IMPA1: variants seen among roughly 807,000 people sequenced by gnomAD.
The protein encoded by IMPA1 is inositol monophosphatase 1, also known as D-galactose 1-phosphate phosphatase.
Under a neutral mutation model 34.9 loss-of-function variants are expected in IMPA1, and 21 were observed. The ratio of observed to expected loss-of-function variants is 0.60; its 90% CI spans 0.43 to 0.87. The LOEUF is 0.87. Among genes scored for constraint, IMPA1 ranks in the 40% least tolerant of loss-of-function variants. The pLI, the probability that IMPA1 is intolerant of heterozygous loss-of-function variation, is 0.00. For synonymous variants in IMPA1, 95 were observed against 104.4 expected, an observed-to-expected ratio of 0.91 and a Z score of 0.55; for missense variants, 299 against 336.4, an observed-to-expected ratio of 0.89 and a Z score of 0.87.
At chr8:81,664,817 T>C (rs955558399) in intron 7 of IMPA1, among the ~76,000 whole-genome samples, 6 of 151,050 alleles carry the variant, frequency 4.0e-5, no homozygotes, top group Non-Finnish European at 7.4e-5. Flanking sequence ...TGTATACATA[T>C]GTAACTAACC....
At chr8:81,669,080 G>A (rs572483036) in intron 7 of IMPA1, among the ~76,000 whole-genome samples, 82 of 152,322 alleles carry the variant, frequency 5.4e-4, no homozygotes, top group African/African-American at 1.8e-3. Flanking sequence ...CTCAAAGATT[G>A]TCCTCAGAAG....
intron 1 of IMPA1, among the ~76,000 whole-genome samples, chr8:81,683,912 T>C (rs1273019130): frequency 6.6e-6 from 1 of 152,118 alleles, no homozygotes; most frequent in Non-Finnish European, 1.5e-5. Context: ...CATCTTGGCC[T>C]CTCTGTCCAG....
intron 7 of IMPA1, among the ~76,000 whole-genome samples, chr8:81,662,441 C>T (rs1158521346): frequency 1.3e-5 from 2 of 152,160 alleles, no homozygotes; most frequent in Non-Finnish European, 2.9e-5. Flanking sequence ...TTACAATCAG[C>T]AAGAGAATAT....
chr8:81,659,097 A>G lies in IMPA1; in HGVS notation c.*254T>C. On this transcript the variant is annotated 3_prime_UTR_variant, in exon 9 of 9. Coordinates refer to ENST00000256108, the MANE Select transcript of IMPA1 (RefSeq NM_005536.4). ...CTAATTGACTATTTCAGTTGATGTT[A>G]TATTTATCAACTGTACTTCCTGGGT... 2.2e-6 allele frequency: 1 copy of G among 457,464 alleles called. No homozygotes were observed. The highest frequency in any genetic ancestry group is 3.9e-6 in the Non-Finnish European group (1 of 258,962). The allele number at this position is 457,464 out of a possible 1,614,324, so 28.3% of individuals were successfully genotyped here. A position where few individuals can be genotyped will look rare whatever the true frequency, so the allele number is the denominator to read the frequency against.
intron 2 of IMPA1, 75 bp from the exon 3 acceptor site, chr8:81,680,858 A>C: frequency 1.8e-6 from 2 of 1,092,506 alleles, no homozygotes; most frequent in Admixed American, 4.3e-5. Flanking sequence ...AAATGGTTTA[A>C]GACATTCAAT....
chr8:81,685,671 T>TA (rs937201940), intron 1 of IMPA1: 21 of 476,532 alleles, frequency 4.4e-5, no homozygotes, highest in Non-Finnish European at 5.9e-5. Flanking sequence ...TTTATATATA[T>TA]TTTTATATAT....
chr8:81,675,264 C>A (rs1012872381), intron 5 of IMPA1, among the ~76,000 whole-genome samples: 3 of 151,222 alleles, frequency 2.0e-5, no homozygotes, highest in Admixed American at 2.0e-4. Context: ...CCACCCCCGC[C>A]AATCTGGAAA....
At position 81,673,956 on chromosome 8, in the gene IMPA1, A is replaced by C. The variant is rs1197180652; in HGVS notation, c.349-7T>G. ...ACACAACTCCAAATTCTATCTGCAG[A>C]GGAAAACAAGTTTCCTTTACCAAAC... On this transcript the variant is annotated splice_polypyrimidine_tract_variant and splice_region_variant and intron_variant, in intron 5 of 8. Coordinates refer to ENST00000256108, the MANE Select transcript of IMPA1 (RefSeq NM_005536.4). 2 of 1,562,000 alleles carry C rather than the reference A, an allele frequency of 1.3e-6. No individual in the cohort carries two copies. Among genetic ancestry groups the C allele is most frequent in the East Asian group, 4.5e-5 (2 of 44,612 alleles).
rs1344619372 is a variant in IMPA1 at position 81,683,731 on chromosome 8, A to G, written c.-24-2147T>C. Among the ~76,000 whole-genome samples, 6 of 152,284 alleles carry G rather than the reference A, an allele frequency of 3.9e-5. No individual in the cohort carries two copies. The East Asian group carries it at 9.6e-4, about 24-fold the overall frequency. On this transcript the variant is annotated intron_variant, in intron 1 of 8. Coordinates refer to ENST00000256108, the MANE Select transcript of IMPA1 (RefSeq NM_005536.4). Reference sequence around the variant, plus strand: ...AGCTCACAGGAGAGGTATGGCCTCCATGTAGAAACATGTAAGTTACTTGAG... The same window carrying G: ...AGCTCACAGGAGAGGTATGGCCTCCGTGTAGAAACATGTAAGTTACTTGAG...
intron 7 of IMPA1, among the ~76,000 whole-genome samples, chr8:81,665,623 A>G (rs950667800): frequency 2.0e-5 from 3 of 152,162 alleles, no homozygotes; most frequent in African/African-American, 7.2e-5. Context: ...GAACCTATAT[A>G]CTGAAACACA....
At position 81,657,470 on chromosome 8, in the gene IMPA1, A is replaced by G. The variant is rs1055281514; in HGVS notation, c.*1881T>C. ...GTGGCATGTGCCTGTGGTTCCAGTTACTAGGGAGGCTGAGGTGGGAGGACT... is the reference window on the plus strand; with the variant it reads ...GTGGCATGTGCCTGTGGTTCCAGTTGCTAGGGAGGCTGAGGTGGGAGGACT... On this transcript the variant is annotated 3_prime_UTR_variant, in exon 9 of 9. Transcript: ENST00000256108. 1.3e-5 allele frequency among the ~76,000 whole-genome samples: 2 copies of G among 152,132 alleles called. No individual in the cohort carries two copies. The highest frequency in any genetic ancestry group is 6.5e-5 in the Admixed American group (1 of 15,270).
intron 1 of IMPA1, among the ~76,000 whole-genome samples, chr8:81,682,150 G>T (rs1807318766): frequency 6.6e-6 from 1 of 151,484 alleles, no homozygotes; most frequent in African/African-American, 2.4e-5. Flanking sequence ...GAAAATTCCA[G>T]GACCAAAAAA....
intron 5 of IMPA1, among the ~76,000 whole-genome samples, chr8:81,675,129 T>C (rs1315082431): frequency 6.6e-6 from 1 of 152,178 alleles, no homozygotes; most frequent in Non-Finnish European, 1.5e-5. Flanking sequence ...AACTAACCTT[T>C]GTCCTGGCCA....
Position 81,658,980 on chromosome 8 carries a change from T to G in IMPA1, c.*371A>C, listed in dbSNP as rs569379428. On this transcript the variant is annotated 3_prime_UTR_variant, in exon 9 of 9. Coordinates refer to ENST00000256108, the MANE Select transcript of IMPA1 (RefSeq NM_005536.4). ...TTTTGAAACTAAAGAGAAATGTTTTTCCAAACAGTTAACTTTCTAAGTGGG... is the reference window on the plus strand; with the variant it reads ...TTTTGAAACTAAAGAGAAATGTTTTGCCAAACAGTTAACTTTCTAAGTGGG... 5 of 205,998 alleles carry G rather than the reference T, an allele frequency of 2.4e-5. No individual in the cohort carries two copies. In the South Asian group the frequency reaches 3.5e-4, roughly 14 times the overall value. The allele number at this position is 205,998 out of a possible 1,614,324, so 12.8% of individuals were successfully genotyped here. A position where few individuals can be genotyped will look rare whatever the true frequency, so the allele number is the denominator to read the frequency against.
Position 81,681,465 on chromosome 8 carries a change from A to C in IMPA1, c.63+33T>G, listed in dbSNP as rs200025513. 32 of 1,205,550 alleles carry C rather than the reference A, an allele frequency of 2.7e-5. No individual in the cohort carries two copies. In the African/African-American group the frequency reaches 4.5e-4, roughly 17 times the overall value. The allele number at this position is 1,205,550 out of a possible 1,614,324, so 74.7% of individuals were successfully genotyped here. ...CAGTATACCCACCAATCACATTATA[A>C]TTGATTATAATTGACAAAATCTTAG... On this transcript the variant is annotated intron_variant, in intron 2 of 8. Coordinates refer to ENST00000256108, the MANE Select transcript of IMPA1 (RefSeq NM_005536.4).
chr8:81,684,678 G>C (rs551917047), intron 1 of IMPA1, among the ~76,000 whole-genome samples: 27 of 77,494 alleles, frequency 3.5e-4, no homozygotes, highest in Non-Finnish European at 6.5e-4. Context: ...AGTATATTTA[G>C]ATACTATGTG....
At chr8:81,671,119 G>T (rs1806977167) in intron 6 of IMPA1, 72 bp from the exon 7 acceptor site, 2 of 607,072 alleles carry the variant, frequency 3.3e-6, no homozygotes, top group Non-Finnish European at 5.5e-6. Context: ...TCAGAAGAGG[G>T]CATTTGTATC....
At chr8:81,684,511 T>C (rs938490740) in intron 1 of IMPA1, among the ~76,000 whole-genome samples, 3 of 140,980 alleles carry the variant, frequency 2.1e-5, no homozygotes, top group Non-Finnish European at 3.1e-5. Context: ...TAAGTATCTT[T>C]AGATACTATG....
rs1438253167 is a variant in IMPA1 at position 81,657,556 on chromosome 8, G to C, written c.*1795C>G. On this transcript the variant is annotated 3_prime_UTR_variant, in exon 9 of 9. Coordinates refer to ENST00000256108, the MANE Select transcript of IMPA1 (RefSeq NM_005536.4). ...TGATCATGCCACTGCATTACTGTTT[G>C]AGCAGAAGAGCAAGACACTGTCTTC... 6.6e-6 allele frequency among the ~76,000 whole-genome samples: 1 copy of C among 152,072 alleles called. No individual in the cohort carries two copies. Among genetic ancestry groups the C allele is most frequent in the East Asian group, 1.9e-4 (1 of 5,190 alleles).
Sources: allele counts gnomAD v4.1 joint callset (sites outside exome capture counted in the v4.1 genomes callset), GRCh38; gene constraint gnomAD v4.1.1; transcripts MANE v1.5; gene names NCBI Gene and HGNC (gene_info 2026-07-23, HGNC 2026-07-21).